The following CFAP52 variants were observed in gnomAD, a reference collection of about 807,000 sequenced individuals.
CFAP52 encodes the protein cilia and flagella associated protein 52, also known as cilia- and flagella-associated protein 52.
CFAP52 carries 57 observed loss-of-function variants against 70.5 expected under a neutral mutation model. That is an observed-to-expected ratio of 0.81 (90% confidence interval 0.65 to 1.01). CFAP52 has a LOEUF of 1.01. Ranked by LOEUF, CFAP52 falls within the 50% of genes least tolerant of loss-of-function variation. The pLI is 0.00. For synonymous variants in CFAP52, 267 were observed against 292.5 expected (o/e 0.91, Z 0.89); for missense variants, 785 against 788.5 (o/e 1.00, Z 0.05).
At chr17:9,588,603 G>A (rs1472168107) in intron 3 of CFAP52, among the ~76,000 whole-genome samples, 2 of 152,062 alleles carry the variant, frequency 1.3e-5, no homozygotes, top group Non-Finnish European at 2.9e-5. Context: ...GCTGGACCTG[G>A]ACCCTGGGAT....
At chr17:9,631,489 G>A (rs367587023) in intron 9 of CFAP52, among the ~76,000 whole-genome samples, 4 of 152,162 alleles carry the variant, frequency 2.6e-5, no homozygotes, top group African/African-American at 9.7e-5. Context: ...GAGGGTGCCA[G>A]CCATTTGAAG....
intron 11 of CFAP52, among the ~76,000 whole-genome samples, chr17:9,637,490 C>G (rs1480391577): frequency 6.6e-6 from 1 of 152,204 alleles, no homozygotes; most frequent in Non-Finnish European, 1.5e-5. Flanking sequence ...TGTGAGATGG[C>G]CACCCACCAC....
intron 4 of CFAP52, among the ~76,000 whole-genome samples, chr17:9,596,852 A>T (rs1193516201): frequency 6.6e-6 from 1 of 151,944 alleles, no homozygotes; most frequent in Non-Finnish European, 1.5e-5. Flanking sequence ...ACTAGCTGGG[A>T]TTACAGGTGC....
chr17:9,639,700 G>C (rs1477715720), intron 12 of CFAP52, among the ~76,000 whole-genome samples: 1 of 152,164 alleles, frequency 6.6e-6, no homozygotes, highest in Non-Finnish European at 1.5e-5. Flanking sequence ...CTGGTGACAT[G>C]ATACTGGCGG....
chr17:9,601,849 C>T (rs1909284235), intron 6 of CFAP52, among the ~76,000 whole-genome samples: 1 of 152,224 alleles, frequency 6.6e-6, no homozygotes, highest in Admixed American at 6.5e-5. Flanking sequence ...ACCTGCCTAT[C>T]TCGTTTCTGA....
chr17:9,588,879 G>A (rs1908618962), intron 3 of CFAP52, among the ~76,000 whole-genome samples: 1 of 151,046 alleles, frequency 6.6e-6, no homozygotes, highest in Admixed American at 6.6e-5. Flanking sequence ...CAAGCAGGCA[G>A]ATCACCTGAG....
chr17:9,620,981 A>C (rs1295371059), intron 8 of CFAP52, among the ~76,000 whole-genome samples: 2 of 56,064 alleles, frequency 3.6e-5, no homozygotes, highest in Non-Finnish European at 3.0e-5. Flanking sequence ...AGCAATGGCA[A>C]CAAAAGCCAA....
At chr17:9,599,617 G>A (rs935430646) in intron 5 of CFAP52, among the ~76,000 whole-genome samples, 1 of 152,154 alleles carries the variant, frequency 6.6e-6, no homozygotes, top group Non-Finnish European at 1.5e-5. Flanking sequence ...CTTTGAGCCT[G>A]GGGAAATAGA....
At chr17:9,591,563 G>A (rs997885732) in intron 3 of CFAP52, among the ~76,000 whole-genome samples, 2 of 152,130 alleles carry the variant, frequency 1.3e-5, no homozygotes, top group African/African-American at 4.8e-5. Flanking sequence ...GTTGCCCTTT[G>A]TTTTATCTAT....
intron 5 of CFAP52, 69 bp downstream of exon 5, chr17:9,598,402 T>TTG (rs1909116937): frequency 2.3e-6 from 3 of 1,323,390 alleles, no homozygotes; most frequent in Non-Finnish European, 3.2e-6. Context: ...ACCAAGGTGT[T>TTG]TGTGTGTGTG....
intron 4 of CFAP52, among the ~76,000 whole-genome samples, 184 bp from the exon 5 acceptor site, chr17:9,598,050 G>A (rs1909096592): frequency 6.6e-6 from 1 of 151,968 alleles, no homozygotes; most frequent in Admixed American, 6.6e-5. Context: ...AATTTGGGAG[G>A]GGGGATCATA....
At chr17:9,591,009 C>T (rs1908724474) in intron 3 of CFAP52, among the ~76,000 whole-genome samples, 1 of 136,358 alleles carries the variant, frequency 7.3e-6, no homozygotes, top group Non-Finnish European at 1.6e-5. Flanking sequence ...TTATAGTGGA[C>T]ATCCTATAGT....
chr17:9,606,078 A>T (rs556001375), intron 6 of CFAP52, among the ~76,000 whole-genome samples: 64 of 152,226 alleles, frequency 4.2e-4, no homozygotes, highest in African/African-American at 1.3e-3. Context: ...TCTAAAAAAA[A>T]TAGCCTAGTA....
chr17:9,643,814 A>G (rs998092363), downstream of CFAP52, among the ~76,000 whole-genome samples: 1 of 152,216 alleles, frequency 6.6e-6, no homozygotes, highest in African/African-American at 2.4e-5. Flanking sequence ...ATCTCAGGAC[A>G]ATTACCAAAG....
At chr17:9,583,673 A>G (rs1014678111) in intron 1 of CFAP52, among the ~76,000 whole-genome samples, 4 of 152,224 alleles carry the variant, frequency 2.6e-5, no homozygotes, top group African/African-American at 7.2e-5. Flanking sequence ...CTCACTAAAA[A>G]CACAATCATG....
intron 6 of CFAP52, among the ~76,000 whole-genome samples, chr17:9,602,202 G>C (rs145277034): frequency 2.0e-4 from 30 of 151,988 alleles, no homozygotes; most frequent in African/African-American, 6.8e-4. Context: ...AGGTATACAC[G>C]TGCCATGGTG....
chr17:9,627,112 C>CT (rs201487824), intron 8 of CFAP52, among the ~76,000 whole-genome samples: 20,579 of 137,646 alleles, frequency 0.15, 1,555 homozygotes, highest in East Asian at 0.37. Context: ...TAGAGGTTGC[C>CT]TTTTTTTTTT....
intron 8 of CFAP52, among the ~76,000 whole-genome samples, chr17:9,616,912 A>C (rs1488752636): frequency 3.8e-5 from 2 of 52,694 alleles, no homozygotes; most frequent in Non-Finnish European, 3.3e-5. Context: ...AACAGAACAG[A>C]AAAACTGGAA....
chr17:9,586,289 C>T (rs1908472163), intron 2 of CFAP52, among the ~76,000 whole-genome samples: 1 of 152,036 alleles, frequency 6.6e-6, no homozygotes, highest in South Asian at 2.1e-4. Context: ...GCGGGCTGGG[C>T]GCGGTGGCTC....
Sources: gnomAD v4.1 joint callset for allele counts (sites outside exome capture counted in the v4.1 genomes callset) on GRCh38, gnomAD v4.1.1 for gene constraint, MANE v1.5 for transcripts, NCBI Gene and HGNC (gene_info 2026-07-23, HGNC 2026-07-21) for gene names.